HEPACAM2: variants seen among roughly 807,000 people sequenced by gnomAD.
HEPACAM2 encodes HEPACAM family member 2.
HEPACAM2 carries 49 observed loss-of-function variants against 49.6 expected under a neutral mutation model. The ratio of observed to expected loss-of-function variants is 0.99; its 90% CI spans 0.78 to 1.25. The LOEUF is 1.25. Ranked by LOEUF, HEPACAM2 falls within the 50% of genes most tolerant of loss-of-function variation. The pLI, the probability that HEPACAM2 is intolerant of heterozygous loss-of-function variation, is 0.00. For missense variants in HEPACAM2, 525 were observed against 557.2 expected (o/e 0.94, Z 0.58); for synonymous variants, 197 against 202.9 (o/e 0.97, Z 0.25).
At chr7:93,192,399 A>C in intron 8 of HEPACAM2, 36 bp from the exon 9 acceptor site, 3 of 1,462,680 alleles carry the variant, frequency 2.1e-6, no homozygotes, top group South Asian at 2.3e-5. Flanking sequence ...AAATTATCTC[A>C]AGACTAGTAA....
At chr7:93,196,362 A>G (rs1252730821) in intron 7 of HEPACAM2, among the ~76,000 whole-genome samples, 1 of 152,144 alleles carries the variant, frequency 6.6e-6, no homozygotes, top group African/African-American at 2.4e-5. Flanking sequence ...CATACATAAA[A>G]AGTAAAATAC....
Position 93,197,570 on chromosome 7 carries a change from A to G in HEPACAM2, c.1053T>C (p.Pro351=), listed in dbSNP as rs760987013. The change falls in exon 5 of 10, where the codon CCT becomes CCC. Residue 351 remains proline (P), a synonymous_variant. Transcript: ENST00000394468. ...GTGATATTCCAGTTATACTTGCTAA[A>G]GGTGACAATGATTTTCCTTTCTGTG... ...KLAQKGKSLS[P]LASITGISLF... is the part of the protein sequence containing the mutation. 2 of 1,599,244 alleles carry G rather than the reference A, an allele frequency of 1.3e-6. No homozygotes were observed. Among genetic ancestry groups the G allele is most frequent in the Non-Finnish European group, 8.5e-7 (1 of 1,170,898 alleles).
At chr7:93,216,086 T>C (rs1050658058) in intron 2 of HEPACAM2, among the ~76,000 whole-genome samples, 1 of 152,146 alleles carries the variant, frequency 6.6e-6, no homozygotes, top group Admixed American at 6.6e-5. Flanking sequence ...AATGTCCCAA[T>C]AGCAGCTGGT....
At chr7:93,189,469 G>A (rs370675455) in intron 9 of HEPACAM2, among the ~76,000 whole-genome samples, 199 bp from the exon 10 acceptor site, 34 of 151,944 alleles carry the variant, frequency 2.2e-4, no homozygotes, top group Admixed American at 1.8e-3. Flanking sequence ...ATTTACTTTC[G>A]AAACTAAAGG....
chr7:93,218,849 C>A (rs184166145), intron 2 of HEPACAM2, among the ~76,000 whole-genome samples: 1 of 152,216 alleles, frequency 6.6e-6, no homozygotes, highest in African/African-American at 2.4e-5. Context: ...GGCAAACAAA[C>A]AATAAGTTAT....
At chr7:93,217,253 C>T (rs972997050) in intron 2 of HEPACAM2, among the ~76,000 whole-genome samples, 2 of 152,138 alleles carry the variant, frequency 1.3e-5, no homozygotes, top group Admixed American at 1.3e-4. Flanking sequence ...GGTAACACAT[C>T]AACAGTTTTG....
At chr7:93,196,787 G>GGGTT (rs1793735454) in intron 7 of HEPACAM2, among the ~76,000 whole-genome samples, 1 of 152,140 alleles carries the variant, frequency 6.6e-6, no homozygotes, top group African/African-American at 2.4e-5. Flanking sequence ...TTACAGTGGG[G>GGGTT]ACAAAGAAGC....
At chr7:93,199,916 C>A (rs1007505400) in intron 4 of HEPACAM2, among the ~76,000 whole-genome samples, 3 of 151,844 alleles carry the variant, frequency 2.0e-5, no homozygotes, top group African/African-American at 7.3e-5. Flanking sequence ...TCTTATTTGA[C>A]CTATGGGTTT....
At chr7:93,224,433 A>G (rs1184787474) in intron 1 of HEPACAM2, among the ~76,000 whole-genome samples, 1 of 152,156 alleles carries the variant, frequency 6.6e-6, no homozygotes, top group African/African-American at 2.4e-5. Flanking sequence ...TATAAATTAT[A>G]GTTCTGTTAA....
At chr7:93,228,572 G>T (rs201553894), upstream of HEPACAM2, among the ~76,000 whole-genome samples, 5 of 151,942 alleles carry the variant, frequency 3.3e-5, no homozygotes, top group African/African-American at 1.2e-4. Flanking sequence ...ATAGTTTGAA[G>T]GTTTTATAAT....
chr7:93,230,709 C>G (rs1584362552), upstream of HEPACAM2, among the ~76,000 whole-genome samples: 1 of 152,170 alleles, frequency 6.6e-6, no homozygotes, highest in African/African-American at 2.4e-5. Context: ...ACACAAAGAA[C>G]AGTCTGACAA....
In HEPACAM2 at chr7:93,215,445, G is replaced by C; in HGVS notation, c.671C>G (p.Pro224Arg). 1.2e-6 allele frequency: 2 copies of C among 1,613,788 alleles called. No individual in the cohort carries two copies. Among genetic ancestry groups the C allele is most frequent in the Non-Finnish European group, 1.7e-6 (2 of 1,179,808 alleles). Residue 224 changes from proline to arginine, a missense_variant, in exon 3 of 10, where the codon CCT becomes CGT. Coordinates refer to ENST00000394468, the MANE Select transcript of HEPACAM2 (RefSeq NM_001039372.4). ...GATATCACTTTCCATTTCACTGACA[G>C]GGTTCCTCACCAGGCAGCTGTAATT... ...IGNYSCLVRN[P>R]VSEMESDIIM...
At chr7:93,195,617 G>A (rs984000549) in intron 8 of HEPACAM2, among the ~76,000 whole-genome samples, 1 of 152,128 alleles carries the variant, frequency 6.6e-6, no homozygotes, top group Non-Finnish European at 1.5e-5. Context: ...TTCCTTATTT[G>A]TGTTAGCTTT....
At chr7:93,209,126 G>T (rs1324211317) in intron 3 of HEPACAM2, among the ~76,000 whole-genome samples, 1 of 151,978 alleles carries the variant, frequency 6.6e-6, no homozygotes. Context: ...AATAGTAAAA[G>T]CCTGAAACTT....
intron 7 of HEPACAM2, 33 bp downstream of exon 7, chr7:93,197,208 A>C: frequency 6.4e-7 from 1 of 1,560,292 alleles, no homozygotes; most frequent in South Asian, 1.2e-5. Flanking sequence ...ATACATTAAA[A>C]CTGATAATAG....
chr7:93,215,624 C>G lies in HEPACAM2; in HGVS notation c.492G>C (p.Gly164=), dbSNP rs758823402. The G allele has an allele frequency of 6.2e-7, 1 of 1,613,668 alleles. No homozygotes were observed. Residue 164 remains glycine (G), a synonymous_variant, in exon 3 of 10, where the codon GGG becomes GGC. Transcript: ENST00000394468. The part of the protein sequence containing the change: ...HPPSGAVEYV[G]NMTLTCHVEG... ...CCACATGGCATGTCAGGGTCATGTT[C>G]CCCACATACTCCACAGCCCCAGAGG...
chr7:93,204,803 A>G (rs1488709431), intron 4 of HEPACAM2, among the ~76,000 whole-genome samples: 1 of 152,130 alleles, frequency 6.6e-6, no homozygotes, highest in Non-Finnish European at 1.5e-5. Flanking sequence ...ATAGTGGTTA[A>G]AAACAAGGGC....
At chr7:93,227,755 A>G (rs968803987), upstream of HEPACAM2, among the ~76,000 whole-genome samples, 1 of 152,174 alleles carries the variant, frequency 6.6e-6, no homozygotes, top group African/African-American at 2.4e-5. Context: ...AATCTGGTAC[A>G]CACATCTATT....
chr7:93,195,575 C>T (rs1793691160), intron 8 of HEPACAM2, among the ~76,000 whole-genome samples: 1 of 152,106 alleles, frequency 6.6e-6, no homozygotes, highest in Admixed American at 6.6e-5. Context: ...ACTGAGATTA[C>T]CAGGTAAAGA....
Sources: gnomAD v4.1 joint callset for allele counts (sites outside exome capture counted in the v4.1 genomes callset) on GRCh38, gnomAD v4.1.1 for gene constraint, MANE v1.5 for transcripts, NCBI Gene and HGNC (gene_info 2026-07-23, HGNC 2026-07-21) for gene names.